RANBP2: variants seen among roughly 807,000 people sequenced by gnomAD.
The protein encoded by RANBP2 is RAN binding protein 2.
RANBP2 carries 57 observed loss-of-function variants against 303.6 expected under a neutral mutation model. The observed-to-expected ratio is 0.19, with a 90% CI of 0.15 to 0.23. The LOEUF is 0.23. Among genes scored for constraint, RANBP2 ranks in the 10% least tolerant of loss-of-function variants. The probability of loss-of-function intolerance (pLI) is 1.00; values close to 1 mark genes in which losing one functional copy is unlikely to be tolerated. For synonymous variants in RANBP2, 1,167 were observed against 1,301.5 expected, an observed-to-expected ratio of 0.90 and a Z score of 2.23; for missense variants, 3,138 against 3,780.8, an observed-to-expected ratio of 0.83 and a Z score of 4.46.
At chr2:108,965,162 G>T in the RANBP2 span, among the ~76,000 whole-genome samples, 2 of 152,072 alleles carry the variant, frequency 1.3e-5, no homozygotes, top group Non-Finnish European at 2.9e-5. Flanking sequence ...AGTGTCCAAA[G>T]TGTCATGATT....
At chr2:109,216,081 G>A in the RANBP2 span, among the ~76,000 whole-genome samples, 6 of 152,278 alleles carry the variant, frequency 3.9e-5, no homozygotes, top group African/African-American at 1.4e-4. Flanking sequence ...TCTGAAGAAC[G>A]GAGCCTGTCA....
chr2:108,758,279 A>G, intron 17 of RANBP2, 134 bp from the exon 18 acceptor site: 1 of 1,396,980 alleles, frequency 7.2e-7, no homozygotes. Context: ...CCTGGACGAC[A>G]GATCGAGACA....
At chr2:109,631,762 A>G in the RANBP2 span, among the ~76,000 whole-genome samples, 2 of 150,512 alleles carry the variant, frequency 1.3e-5, no homozygotes, top group Admixed American at 6.6e-5. Context: ...GTCTAAAAAA[A>G]AAAGAAAAAG....
At chr2:109,688,834 C>T in the RANBP2 span, among the ~76,000 whole-genome samples, 1 of 150,520 alleles carries the variant, frequency 6.6e-6, no homozygotes, top group African/African-American at 2.4e-5. Context: ...GTTTCCTCTT[C>T]CTCAATGCTG....
the RANBP2 span, among the ~76,000 whole-genome samples, chr2:109,638,501 C>G: frequency 2.0e-5 from 3 of 152,140 alleles, no homozygotes; most frequent in African/African-American, 7.2e-5. Flanking sequence ...CAAAGTGGAG[C>G]TGAGCCATCT....
chr2:109,271,203 C>T, the RANBP2 span, among the ~76,000 whole-genome samples: 1,215 of 152,182 alleles, frequency 8.0e-3, 22 homozygotes, highest in African/African-American at 0.028. Flanking sequence ...CAAGGTTTGC[C>T]GGCTTGAAAT....
At chr2:108,898,665 A>G in the RANBP2 span, among the ~76,000 whole-genome samples, 1 of 152,228 alleles carries the variant, frequency 6.6e-6, no homozygotes, top group Admixed American at 6.5e-5. Context: ...AAGAATTCAT[A>G]ATAAAAGTGC....
chr2:109,074,406 A>G, the RANBP2 span, among the ~76,000 whole-genome samples: 1 of 150,572 alleles, frequency 6.6e-6, no homozygotes, highest in African/African-American at 2.4e-5. Flanking sequence ...CCTATCAATA[A>G]TTACTTAAAA....
chr2:109,474,545 C>G, the RANBP2 span, among the ~76,000 whole-genome samples: 3 of 152,160 alleles, frequency 2.0e-5, no homozygotes, highest in Non-Finnish European at 2.9e-5. Flanking sequence ...GATTACAGTC[C>G]GAACCGCACG....
the RANBP2 span, among the ~76,000 whole-genome samples, chr2:108,829,555 G>C: frequency 0.011 from 1,707 of 152,328 alleles, 15 homozygotes; most frequent in Non-Finnish European, 0.017. Flanking sequence ...AGACCAGCCT[G>C]GCCAACATGG....
chr2:108,783,285 T>G (rs577793990), intron 28 of RANBP2, among the ~76,000 whole-genome samples: 280 of 138,764 alleles, frequency 2.0e-3, no homozygotes, highest in Non-Finnish European at 3.2e-3. Context: ...GAGCTAGGTT[T>G]GCACCACTGC....
chr2:109,427,931 C>G, the RANBP2 span, among the ~76,000 whole-genome samples: 1 of 152,268 alleles, frequency 6.6e-6, no homozygotes, highest in African/African-American at 2.4e-5. Flanking sequence ...GCACGCTCCT[C>G]TGAGCATCTG....
chr2:109,280,975 C>T, the RANBP2 span, among the ~76,000 whole-genome samples: 1 of 152,300 alleles, frequency 6.6e-6, no homozygotes, highest in South Asian at 2.1e-4. Flanking sequence ...AGTGGTGATG[C>T]AGAACACACA....
chr2:109,046,177 G>T, the RANBP2 span, among the ~76,000 whole-genome samples: 5 of 151,082 alleles, frequency 3.3e-5, no homozygotes, highest in South Asian at 1.0e-3. Context: ...GGTGGCGGGC[G>T]CCTGTAGTCC....
At chr2:109,255,167 T>C in the RANBP2 span, among the ~76,000 whole-genome samples, 1 of 152,330 alleles carries the variant, frequency 6.6e-6, no homozygotes, top group East Asian at 1.9e-4. Context: ...TGTGCAACTC[T>C]TGCTTTGTGT....
the RANBP2 span, among the ~76,000 whole-genome samples, chr2:108,939,054 AG>A: frequency 6.6e-6 from 1 of 151,856 alleles, no homozygotes; most frequent in African/African-American, 2.4e-5. Flanking sequence ...CTGGGATTAC[AG>A]GCATGAGCCA....
Position 108,768,328 on chromosome 2 carries a change from T to C in RANBP2, c.7789T>C (p.Phe2597Leu). The C allele has an allele frequency of 6.2e-7, 1 of 1,612,002 alleles. No individual in the cohort carries two copies. Among genetic ancestry groups the C allele is most frequent in the Non-Finnish European group, 8.5e-7 (1 of 1,179,846 alleles). Reference sequence around the variant, plus strand: ...TTCAGATAGCAAAGTCAAAAATCTCTTTGCTTCCTTTCCAACGGAAGAATC... The same window carrying C: ...TTCAGATAGCAAAGTCAAAAATCTCCTTGCTTCCTTTCCAACGGAAGAATC... ...QSSDSKVKNL[F>L]ASFPTEESSI... The change falls in exon 20 of 29, where the codon TTT becomes CTT. Residue 2597 changes from phenylalanine (F) to leucine (L), a missense_variant. Transcript: ENST00000283195.
At chr2:109,669,425 C>A in the RANBP2 span, among the ~76,000 whole-genome samples, 42 of 152,292 alleles carry the variant, frequency 2.8e-4, no homozygotes, top group Non-Finnish European at 4.7e-4. Context: ...CTCCCCACCC[C>A]TGAAGGGATT....
At chr2:109,680,111 T>C in the RANBP2 span, among the ~76,000 whole-genome samples, 1 of 150,700 alleles carries the variant, frequency 6.6e-6, no homozygotes, top group African/African-American at 2.4e-5. Context: ...TTTGGGAGGC[T>C]GAGGCAGGCA....
Sources: allele counts gnomAD v4.1 joint callset (sites outside exome capture counted in the v4.1 genomes callset), GRCh38; gene constraint gnomAD v4.1.1; transcripts MANE v1.5; gene names NCBI Gene and HGNC (gene_info 2026-07-23, HGNC 2026-07-21).